The following TMEFF2 variants were observed in gnomAD, a reference collection of about 807,000 sequenced individuals.
The protein encoded by TMEFF2 is tomoregulin-2.
Under a neutral mutation model 53.8 loss-of-function variants are expected in TMEFF2, and 28 were observed. The observed-to-expected ratio is 0.52, with a 90% CI of 0.39 to 0.71. TMEFF2 has a LOEUF of 0.71. Ranked by LOEUF, TMEFF2 falls within the 30% of genes least tolerant of loss-of-function variation. The pLI is 0.00. For missense variants in TMEFF2, 353 were observed against 455.2 expected, an observed-to-expected ratio of 0.78 and a Z score of 2.04; for synonymous variants, 162 against 166.3, an observed-to-expected ratio of 0.97 and a Z score of 0.20.
At chr2:192,074,508 A>G (rs1216807019) in intron 4 of TMEFF2, among the ~76,000 whole-genome samples, 1 of 151,956 alleles carries the variant, frequency 6.6e-6, no homozygotes, top group African/African-American at 2.4e-5. Flanking sequence ...GTTTTAAATT[A>G]CTATTATTAA....
chr2:191,998,304 T>C lies in TMEFF2; in HGVS notation c.703A>G (p.Thr235Ala). ...GCATAATGCCCATCTTCAGACTTAG[T>C]AGTTGTAGTTGTGTTATCTGTGTTA... The part of the protein sequence containing the change: ...GRCQDNTTTT[T>A]KSEDGHYART... The change falls in exon 7 of 10, where the codon ACT becomes GCT. Residue 235 changes from threonine to alanine, a missense_variant. Thr to Ala is a moderately conservative substitution (Grantham distance 58). Around this residue, in one of 3 missense-constraint regions of TMEFF2, gnomAD observed 294 missense variants for 397.3 expected, o/e 0.74. Transcript: ENST00000272771. 1 of 1,599,076 alleles carries C rather than the reference T, an allele frequency of 6.3e-7. No homozygotes were observed. The highest frequency in any genetic ancestry group is 1.7e-5 in the Admixed American group (1 of 57,874).
chr2:192,167,929 T>C (rs1421273368), intron 4 of TMEFF2, among the ~76,000 whole-genome samples: 1 of 152,174 alleles, frequency 6.6e-6, no homozygotes, highest in Non-Finnish European at 1.5e-5. Flanking sequence ...ATCACTTCCC[T>C]GACAGTTCAT....
chr2:192,020,771 CA>C (rs1342087116), intron 5 of TMEFF2, among the ~76,000 whole-genome samples: 1 of 152,064 alleles, frequency 6.6e-6, no homozygotes, highest in Non-Finnish European at 1.5e-5. Context: ...AAGATTTCAA[CA>C]AAAATAATAG....
Position 191,955,524 on chromosome 2 carries a change from A to ATTTTTTTTTTTTTTTTTTT in TMEFF2, c.869+712_869+730dup, listed in dbSNP as rs71405028. Reference sequence around the variant, plus strand: ...TGCCACCGTGCCTGGCTAATTCTTAATTTTTTTTTTTTTTTTTTTTTTTTA... The same window carrying ATTTTTTTTTTTTTTTTTTT: ...TGCCACCGTGCCTGGCTAATTCTTAATTTTTTTTTTTTTTTTTTTTTTTTTTTTTTTTTTTTTTTTTTTA... On this transcript the variant is annotated intron_variant, in intron 8 of 9. Transcript: ENST00000272771. Among the ~76,000 whole-genome samples, 35 of 60,282 alleles carry ATTTTTTTTTTTTTTTTTTT rather than the reference A, an allele frequency of 5.8e-4. 4 individuals carry two copies. The highest frequency in any genetic ancestry group is 3.9e-3 in the East Asian group (6 of 1,556). The allele number at this position is 60,282 out of a possible 152,430, so 39.5% of individuals were successfully genotyped here.
intron 4 of TMEFF2, among the ~76,000 whole-genome samples, chr2:192,142,320 C>A (rs1285062164): frequency 6.6e-6 from 1 of 151,836 alleles, no homozygotes. Flanking sequence ...AATGTAGTGC[C>A]TTTTGGTTTG....
At chr2:192,038,639 C>A (rs1007405466) in intron 5 of TMEFF2, among the ~76,000 whole-genome samples, 6 of 151,910 alleles carry the variant, frequency 3.9e-5, no homozygotes, top group African/African-American at 1.5e-4. Context: ...CTACAGATGT[C>A]CACCACCATG....
intron 4 of TMEFF2, among the ~76,000 whole-genome samples, chr2:192,091,285 C>T (rs528724849): frequency 3.9e-5 from 6 of 152,188 alleles, no homozygotes; most frequent in East Asian, 1.9e-4. Context: ...CCAGCATAAG[C>T]GAAAGTCACA....
chr2:192,094,816 TAC>T (rs1325251531), intron 4 of TMEFF2, among the ~76,000 whole-genome samples: 4 of 152,192 alleles, frequency 2.6e-5, no homozygotes, highest in African/African-American at 9.6e-5. Context: ...TAAGAATTAT[TAC>T]ACTTTCTTTT....
chr2:192,056,400 A>G (rs1285523715), intron 5 of TMEFF2, among the ~76,000 whole-genome samples: 1 of 151,956 alleles, frequency 6.6e-6, no homozygotes, highest in Non-Finnish European at 1.5e-5. Context: ...TGGAAGAGGA[A>G]GAAGAGGAAG....
intron 2 of TMEFF2, among the ~76,000 whole-genome samples, chr2:192,188,699 T>G (rs1559164378): frequency 6.6e-6 from 1 of 152,204 alleles, no homozygotes; most frequent in African/African-American, 2.4e-5. Flanking sequence ...TAAGGCTTCA[T>G]CATATTTTTA....
chr2:192,140,954 C>G (rs1321441255), intron 4 of TMEFF2, among the ~76,000 whole-genome samples: 1 of 152,080 alleles, frequency 6.6e-6, no homozygotes, highest in African/African-American at 2.4e-5. Context: ...GGAGCATTTA[C>G]TATGTGAAAA....
intron 4 of TMEFF2, among the ~76,000 whole-genome samples, chr2:192,077,197 G>C (rs543642771): frequency 2.6e-5 from 4 of 152,214 alleles, no homozygotes; most frequent in Non-Finnish European, 5.9e-5. Context: ...AGAATCTAGA[G>C]GAGCTTCTCA....
intron 4 of TMEFF2, among the ~76,000 whole-genome samples, chr2:192,150,994 G>A (rs1293519535): frequency 6.6e-6 from 1 of 151,770 alleles, no homozygotes; most frequent in African/African-American, 2.4e-5. Context: ...ATGTGTCGAG[G>A]GAGGTACCAT....
intron 4 of TMEFF2, among the ~76,000 whole-genome samples, chr2:192,110,454 T>C (rs1389585507): frequency 1.3e-5 from 2 of 152,214 alleles, no homozygotes; most frequent in Non-Finnish European, 2.9e-5. Flanking sequence ...TGTTTTTAGC[T>C]GATATCCTTC....
At chr2:192,127,057 G>A (rs1413813076) in intron 4 of TMEFF2, among the ~76,000 whole-genome samples, 1 of 152,170 alleles carries the variant, frequency 6.6e-6, no homozygotes, top group African/African-American at 2.4e-5. Context: ...GTAACACTAA[G>A]TACATGAATG....
chr2:192,026,300 G>A (rs372759009), intron 5 of TMEFF2, among the ~76,000 whole-genome samples: 2 of 152,280 alleles, frequency 1.3e-5, no homozygotes, highest in South Asian at 4.1e-4. Flanking sequence ...GGAAGTGGAG[G>A]GAAAGCTCAA....
At chr2:192,133,531 G>A (rs979124849) in intron 4 of TMEFF2, among the ~76,000 whole-genome samples, 2 of 152,140 alleles carry the variant, frequency 1.3e-5, no homozygotes, top group Non-Finnish European at 2.9e-5. Context: ...AACCAGACAA[G>A]CCTTACAAGT....
chr2:192,138,062 G>T (rs541425881), intron 4 of TMEFF2, among the ~76,000 whole-genome samples: 2 of 152,202 alleles, frequency 1.3e-5, no homozygotes, highest in South Asian at 4.1e-4. Context: ...CAGGTGATCT[G>T]CCTGCCTTGG....
intron 4 of TMEFF2, among the ~76,000 whole-genome samples, chr2:192,174,615 A>G (rs1417020279): frequency 6.6e-6 from 1 of 151,752 alleles, no homozygotes; most frequent in Non-Finnish European, 1.5e-5. Flanking sequence ...TCTCCAGCAG[A>G]ACAGCAGCTC....
Sources: gnomAD v4.1 joint callset for allele counts (sites outside exome capture counted in the v4.1 genomes callset) on GRCh38, gnomAD v4.1.1 for gene constraint, gnomAD v4.1.1 regional missense constraint, MANE v1.5 for transcripts, NCBI Gene and HGNC (gene_info 2026-07-23, HGNC 2026-07-21) for gene names.